The following SAMSN1 variants were observed in gnomAD, a reference collection of about 807,000 sequenced individuals.
SAMSN1 encodes the protein SAM domain, SH3 domain and nuclear localization signals 1, also known as SAM domain-containing protein SAMSN-1.
Under a neutral mutation model 42.0 loss-of-function variants are expected in SAMSN1, and 31 were observed. The observed-to-expected ratio is 0.74, with a 90% CI of 0.55 to 1.00. SAMSN1 has a LOEUF of 1.00. Ranked by LOEUF, SAMSN1 falls within the 50% of genes least tolerant of loss-of-function variation. The pLI is 0.00. For missense variants in SAMSN1, 464 were observed against 439.4 expected (o/e 1.06, Z -0.50); for synonymous variants, 178 against 151.9 (o/e 1.17, Z -1.26).
intron 5 of SAMSN1, among the ~76,000 whole-genome samples, chr21:14,607,842 T>C (rs1982605422): frequency 6.6e-6 from 1 of 152,228 alleles, no homozygotes; most frequent in African/African-American, 2.4e-5. Flanking sequence ...GTAACACCAT[T>C]ATACCTTCTT....
intron 1 of SAMSN1, among the ~76,000 whole-genome samples, chr21:14,651,715 T>C (rs1429037393): frequency 2.0e-5 from 3 of 151,982 alleles, no homozygotes; most frequent in African/African-American, 7.2e-5. Flanking sequence ...GGCATCCAAA[T>C]TAGAAATGAA....
chr21:14,522,586 G>A (rs186205623), intron 1 of SAMSN1, among the ~76,000 whole-genome samples: 6 of 152,076 alleles, frequency 3.9e-5, no homozygotes, highest in African/African-American at 1.4e-4. Context: ...GCAAAACCAG[G>A]TGTAACAAAA....
chr21:14,577,327 A>G (rs1981539817), intron 2 of SAMSN1, among the ~76,000 whole-genome samples: 1 of 131,434 alleles, frequency 7.6e-6, no homozygotes, highest in Non-Finnish European at 1.6e-5. Context: ...GTTAGCCAGG[A>G]TGGTCTCGAT....
intron 2 of SAMSN1, among the ~76,000 whole-genome samples, chr21:14,562,816 G>T (rs949189505): frequency 1.3e-5 from 2 of 152,168 alleles, no homozygotes; most frequent in African/African-American, 4.8e-5. Context: ...TAAGGATACT[G>T]TAATACAGCT....
At chr21:14,582,422 C>T (rs2123247707) in exon 2 of SAMSN1, 2 of 1,546,696 alleles carry the variant, frequency 1.3e-6, no homozygotes, top group Non-Finnish European at 1.7e-6. Context: ...CGTGCTAACA[C>T]TATTCACTTT....
intron 2 of SAMSN1, among the ~76,000 whole-genome samples, chr21:14,518,607 T>G (rs1988024606): frequency 1.3e-5 from 2 of 152,192 alleles, no homozygotes; most frequent in Admixed American, 6.5e-5. Flanking sequence ...AAACTTCTCT[T>G]TAGTGAACTT....
chr21:14,589,765 G>GT (rs988860175), intron 7 of SAMSN1, among the ~76,000 whole-genome samples: 72 of 152,090 alleles, frequency 4.7e-4, no homozygotes, highest in Middle Eastern at 6.8e-3. Context: ...CTTGAATGAA[G>GT]TAAAAAACAA....
chr21:14,560,638 A>C (rs1299172223), intron 2 of SAMSN1, among the ~76,000 whole-genome samples: 2 of 152,186 alleles, frequency 1.3e-5, no homozygotes, highest in Non-Finnish European at 2.9e-5. Flanking sequence ...AAGCTTTAGA[A>C]ATTTTGAAAA....
At chr21:14,525,933 C>T (rs35778413) in intron 1 of SAMSN1, among the ~76,000 whole-genome samples, 45,609 of 152,064 alleles carry the variant, frequency 0.3, 7,615 homozygotes, top group Non-Finnish European at 0.37. Context: ...GGCTCCATCT[C>T]GGCTCACTGC....
intron 1 of SAMSN1, among the ~76,000 whole-genome samples, chr21:14,658,268 C>CTTTTGCACACTGAG (rs1049687629): frequency 6.6e-6 from 1 of 151,764 alleles, no homozygotes; most frequent in African/African-American, 2.4e-5. Context: ...TCTATTGTAC[C>CTTTTGCACACTGAG]TTGCATTTAC....
chr21:14,567,218 T>TA (rs1286370471), intron 2 of SAMSN1, among the ~76,000 whole-genome samples: 1 of 145,166 alleles, frequency 6.9e-6, no homozygotes, highest in African/African-American at 2.6e-5. Flanking sequence ...GTAAAGAACA[T>TA]AAAAGAGTAG....
intron 5 of SAMSN1, among the ~76,000 whole-genome samples, chr21:14,502,722 G>A (rs1037434772): frequency 2.6e-5 from 4 of 152,130 alleles, no homozygotes; most frequent in African/African-American, 9.7e-5. Context: ...CTTTCCCCAA[G>A]ACTTGAACTT....
intron 5 of SAMSN1, among the ~76,000 whole-genome samples, chr21:14,506,508 C>A (rs1987413024): frequency 6.6e-6 from 1 of 151,892 alleles, no homozygotes; most frequent in East Asian, 1.9e-4. Flanking sequence ...AATTAGATAC[C>A]CGGAATAGAC....
chr21:14,517,406 AG>A (rs1410745416), intron 2 of SAMSN1, among the ~76,000 whole-genome samples: 6 of 152,254 alleles, frequency 3.9e-5, no homozygotes, highest in African/African-American at 1.4e-4. Flanking sequence ...ATGTCTACAT[AG>A]ATGAGAAATA....
Position 14,602,099 on chromosome 21 carries a change from T to G in SAMSN1, c.323A>C (p.Asp108Ala), listed in dbSNP as rs1034604724. 4.5e-6 allele frequency: 3 copies of G among 663,980 alleles called. No individual in the cohort carries two copies. The African/African-American group carries it at 5.4e-5, about 12-fold the overall frequency. The allele number at this position is 663,980 out of a possible 1,614,324, so 41.1% of individuals were successfully genotyped here. A position where few individuals can be genotyped will look rare whatever the true frequency, so the allele number is the denominator to read the frequency against. Reference sequence around the variant, plus strand: ...ACTTAGAAAATCATCTTCATTTAGATCTAAGAAAAGAGATAACTGTTACAT... The same window carrying G: ...ACTTAGAAAATCATCTTCATTTAGAGCTAAGAAAAGAGATAACTGTTACAT... The change falls in exon 6 of 16, where the codon GAT becomes GCT. Residue 108 changes from aspartate to alanine, a missense_variant and splice_region_variant. Transcript: ENST00000647101.
At chr21:14,639,391 G>T (rs1983542296) in intron 2 of SAMSN1, among the ~76,000 whole-genome samples, 1 of 152,160 alleles carries the variant, frequency 6.6e-6, no homozygotes, top group South Asian at 2.1e-4. Flanking sequence ...AAGGGCAAAA[G>T]AGGGCAAAAC....
chr21:14,596,995 A>C (rs536156593), intron 6 of SAMSN1, among the ~76,000 whole-genome samples: 1 of 152,290 alleles, frequency 6.6e-6, no homozygotes, highest in East Asian at 1.9e-4. Flanking sequence ...AAGTCATATA[A>C]TGGATAAGAA....
At chr21:14,499,090 CA>C (rs575463426) in intron 6 of SAMSN1, among the ~76,000 whole-genome samples, 251 of 152,098 alleles carry the variant, frequency 1.7e-3, no homozygotes, top group African/African-American at 5.7e-3. Flanking sequence ...TAATTCTATA[CA>C]AAAAAGTGGG....
chr21:14,649,772 AACACACACACACACAC>A (rs60905314), intron 1 of SAMSN1, among the ~76,000 whole-genome samples: 1 of 135,644 alleles, frequency 7.4e-6, no homozygotes, highest in African/African-American at 3.0e-5. Context: ...ACTGTCTCAA[AACACACACACACACAC>A]ACACACACAC....
Sources: gnomAD v4.1 joint callset for allele counts (sites outside exome capture counted in the v4.1 genomes callset) on GRCh38, gnomAD v4.1.1 for gene constraint, MANE v1.5 for transcripts, NCBI Gene and HGNC (gene_info 2026-07-23, HGNC 2026-07-21) for gene names.